The following CDIN1 variants were observed in gnomAD, a reference collection of about 807,000 sequenced individuals.
CDIN1 encodes the protein CDAN1-interacting nuclease 1.
In CDIN1, 33 loss-of-function variants were observed where a neutral mutation model predicts 45.3. The observed-to-expected ratio is 0.73, with a 90% CI of 0.55 to 0.97. The LOEUF (loss-of-function observed/expected upper bound fraction) is 0.97, where lower values mean the gene tolerates loss of function less well. Ranked by LOEUF, CDIN1 falls within the 50% of genes least tolerant of loss-of-function variation. The pLI is 0.00. For synonymous variants in CDIN1, 118 were observed against 124.4 expected (o/e 0.95, Z 0.34); for missense variants, 303 against 339.4 (o/e 0.89, Z 0.84).
At chr15:36,674,576 A>G (rs544622062) in intron 5 of CDIN1, among the ~76,000 whole-genome samples, 2 of 152,292 alleles carry the variant, frequency 1.3e-5, no homozygotes, top group African/African-American at 4.8e-5. Flanking sequence ...AGCAGCGTCA[A>G]ATGTACAGTA....
At chr15:36,798,139 T>C (rs1263853868) in intron 10 of CDIN1, among the ~76,000 whole-genome samples, 1 of 151,782 alleles carries the variant, frequency 6.6e-6, no homozygotes, top group Non-Finnish European at 1.5e-5. Context: ...ATATATCCAC[T>C]CAACAAATAT....
chr15:36,685,823 T>C (rs1361959528), intron 5 of CDIN1, among the ~76,000 whole-genome samples: 1 of 152,218 alleles, frequency 6.6e-6, no homozygotes, highest in Non-Finnish European at 1.5e-5. Context: ...TCATCATCAC[T>C]GGCCATCAGA....
chr15:36,656,603 A>G (rs2040793086), intron 4 of CDIN1, among the ~76,000 whole-genome samples: 1 of 152,132 alleles, frequency 6.6e-6, no homozygotes, highest in Non-Finnish European at 1.5e-5. Context: ...AGATGGACAC[A>G]TGATTAATAT....
In CDIN1 at chr15:36,708,986, G is replaced by T. The variant is rs74008754; in HGVS notation, c.545-237G>T. The T allele has an allele frequency of 0.017, 5,962 of 356,170 alleles. 336 individuals carry two copies. Among genetic ancestry groups the T allele is most frequent in the African/African-American group, 0.11 (5,416 of 47,406 alleles). The allele number at this position is 356,170 out of a possible 1,614,324, so 22.1% of individuals were successfully genotyped here. A position where few individuals can be genotyped will look rare whatever the true frequency, so the allele number is the denominator to read the frequency against. On this transcript the variant is annotated intron_variant, in intron 8 of 10. Coordinates refer to ENST00000566621, the MANE Select transcript of CDIN1 (RefSeq NM_001321759.2). ...GTAGTATATGACAGCTTGAACTCGT[G>T]ATGTTTATAATAACGAAAACATGCA...
At chr15:36,609,214 C>G (rs1356689119) in intron 1 of CDIN1, among the ~76,000 whole-genome samples, 1 of 152,104 alleles carries the variant, frequency 6.6e-6, no homozygotes, top group Non-Finnish European at 1.5e-5. Context: ...GGGGGTCTCC[C>G]TTTGTTATCC....
chr15:36,719,817 A>G (rs2043344851), intron 10 of CDIN1, among the ~76,000 whole-genome samples: 1 of 152,146 alleles, frequency 6.6e-6, no homozygotes, highest in African/African-American at 2.4e-5. Context: ...TAAGACATTC[A>G]GGTTATGCCT....
At chr15:36,662,301 A>C (rs1483323959) in intron 5 of CDIN1, among the ~76,000 whole-genome samples, 1 of 152,330 alleles carries the variant, frequency 6.6e-6, no homozygotes, top group East Asian at 1.9e-4. Flanking sequence ...TGTGCTTTTC[A>C]ACATAATGTG....
intron 10 of CDIN1, among the ~76,000 whole-genome samples, chr15:36,785,856 G>T (rs948843827): frequency 8.4e-5 from 12 of 142,314 alleles, no homozygotes; most frequent in African/African-American, 1.2e-4. Context: ...GACACACACT[G>T]TACCATAAAG....
chr15:36,645,129 A>C, intron 2 of CDIN1, 94 bp from the exon 3 acceptor site: 1 of 962,960 alleles, frequency 1.0e-6, no homozygotes. Flanking sequence ...CCTATGTGCT[A>C]GTCACTGGGC....
chr15:36,690,578 A>G (rs2042213632), intron 5 of CDIN1, among the ~76,000 whole-genome samples: 1 of 152,122 alleles, frequency 6.6e-6, no homozygotes, highest in Admixed American at 6.5e-5. Context: ...ACTAACATTT[A>G]TCTTATGTAT....
intron 5 of CDIN1, among the ~76,000 whole-genome samples, chr15:36,683,862 T>C (rs2041945629): frequency 8.1e-6 from 1 of 123,774 alleles, no homozygotes; most frequent in Non-Finnish European, 1.7e-5. Flanking sequence ...AGTTCACTCA[T>C]GATTTGGCTC....
In CDIN1 at chr15:36,579,679, G is replaced by T. The variant is rs577158046; in HGVS notation, c.-182G>T. 9 of 562,514 alleles carry T rather than the reference G, an allele frequency of 1.6e-5. No homozygotes were observed. The highest frequency in any genetic ancestry group is 1.3e-4 in the African/African-American group (7 of 52,828). The allele number at this position is 562,514 out of a possible 1,614,324, so 34.8% of individuals were successfully genotyped here. ...GGAGGTGCCGGTGGAGCCTGGGACC[G>T]GGCGAGTCTCCGCCCCGCTTTTGCA... On this transcript the variant is annotated 5_prime_UTR_variant, in exon 1 of 11. Transcript: ENST00000566621.
At position 36,655,818 on chromosome 15, in the gene CDIN1, A is replaced by T. The variant is rs2140459129; in HGVS notation, c.273+1660A>T. ...ATGGTACCCATCTATATAGATGATGATGTTGATTATATAAGTTTTATATCA... is the reference window on the plus strand; with the variant it reads ...ATGGTACCCATCTATATAGATGATGTTGTTGATTATATAAGTTTTATATCA... On this transcript the variant is annotated intron_variant, in intron 4 of 10. Transcript: ENST00000566621. Among the ~76,000 whole-genome samples, 3 of 152,278 alleles carry T rather than the reference A, an allele frequency of 2.0e-5. No individual in the cohort carries two copies. In the Middle Eastern group the frequency reaches 0.01, roughly 518 times the overall value.
At chr15:36,669,353 T>C (rs180758721) in intron 5 of CDIN1, among the ~76,000 whole-genome samples, 140 of 152,200 alleles carry the variant, frequency 9.2e-4, no homozygotes, top group African/African-American at 3.1e-3. Flanking sequence ...TTAGTGGTAA[T>C]GAAAGGGTTA....
chr15:36,590,368 A>G (rs1254532183), intron 1 of CDIN1, among the ~76,000 whole-genome samples: 2 of 152,250 alleles, frequency 1.3e-5, no homozygotes, highest in East Asian at 3.8e-4. Context: ...ACTTAAAGCA[A>G]TAACTTCAAG....
At chr15:36,804,309 T>TTTTATTA (rs1394151821) in intron 10 of CDIN1, among the ~76,000 whole-genome samples, 3 of 152,194 alleles carry the variant, frequency 2.0e-5, no homozygotes, top group Non-Finnish European at 4.4e-5. Flanking sequence ...GTGTGCTCAC[T>TTTTATTA]CTGGTCATTA....
At chr15:36,619,053 C>A in intron 1 of CDIN1, 1 of 1,277,590 alleles carries the variant, frequency 7.8e-7, no homozygotes, top group Non-Finnish European at 1.1e-6. Context: ...CAAACAAAGA[C>A]AATGAAGCTC....
chr15:36,734,575 C>T (rs2043948903), intron 10 of CDIN1, among the ~76,000 whole-genome samples: 4 of 152,126 alleles, frequency 2.6e-5, no homozygotes, highest in African/African-American at 9.7e-5. Flanking sequence ...TACATCGTCA[C>T]CTCAGCCTGC....
chr15:36,666,980 C>T (rs151311029), intron 5 of CDIN1, among the ~76,000 whole-genome samples: 1,730 of 152,266 alleles, frequency 0.011, 27 homozygotes, highest in African/African-American at 0.039. Context: ...ATGAGGCAAC[C>T]GAGGTACCCA....
Sources: gnomAD v4.1 joint callset for allele counts (sites outside exome capture counted in the v4.1 genomes callset) on GRCh38, gnomAD v4.1.1 for gene constraint, MANE v1.5 for transcripts, NCBI Gene and HGNC (gene_info 2026-07-23, HGNC 2026-07-21) for gene names.